Variants in ANKRD11 observed in about 807,000 individuals in gnomAD.
The protein encoded by ANKRD11 is ankyrin repeat domain-containing protein 11.
In ANKRD11, 17 loss-of-function variants were observed where a neutral mutation model predicts 195.7. The ratio of observed to expected loss-of-function variants is 0.09; its 90% CI spans 0.06 to 0.13. The LOEUF (loss-of-function observed/expected upper bound fraction) is 0.13, where lower values mean the gene tolerates loss of function less well. Among genes scored for constraint, ANKRD11 ranks in the 10% least tolerant of loss-of-function variants. The pLI, the probability that ANKRD11 is intolerant of heterozygous loss-of-function variation, is 1.00. For missense variants in ANKRD11, 3,735 were observed against 3,566.1 expected, an observed-to-expected ratio of 1.05 and a Z score of -1.21; for synonymous variants, 1,953 against 1,528.1, an observed-to-expected ratio of 1.28 and a Z score of -6.49.
At position 89,285,957 on chromosome 16, in the gene ANKRD11, G is replaced by A; in HGVS notation, c.892+82C>T. 6.2e-7 allele frequency: 1 copy of A among 1,603,716 alleles called. No homozygotes were observed. The highest frequency in any genetic ancestry group is 8.5e-7 in the Non-Finnish European group (1 of 1,173,498). Reference sequence around the variant, plus strand: ...GCATCCGAGGAGGAGCTGATCAGAGGGGCAACACTGTGCAAACACCACAGG... The same window carrying A: ...GCATCCGAGGAGGAGCTGATCAGAGAGGCAACACTGTGCAAACACCACAGG... On this transcript the variant is annotated intron_variant, in intron 8 of 12. Coordinates refer to ENST00000301030, the MANE Select transcript of ANKRD11 (RefSeq NM_013275.6). The surrounding 1 kb of genome is among the most constrained non-coding windows in gnomAD (Gnocchi z 5.6).
At chr16:89,454,169 C>G (rs561573092) in intron 1 of ANKRD11, among the ~76,000 whole-genome samples, 2 of 152,188 alleles carry the variant, frequency 1.3e-5, no homozygotes, top group African/African-American at 4.8e-5. Context: ...ACGACAGCCG[C>G]GCCACAACCA....
At chr16:89,301,965 G>A (rs534266880) in intron 4 of ANKRD11, among the ~76,000 whole-genome samples, 8 of 152,284 alleles carry the variant, frequency 5.3e-5, no homozygotes, top group South Asian at 2.1e-4. Flanking sequence ...CATCCGGCAC[G>A]GTGGTGACCC....
At chr16:89,440,574 A>G (rs957107403) in intron 1 of ANKRD11, among the ~76,000 whole-genome samples, 1 of 152,178 alleles carries the variant, frequency 6.6e-6, no homozygotes, top group African/African-American at 2.4e-5. Flanking sequence ...TGTGAGTACC[A>G]ATGCACTCCA....
chr16:89,358,827 T>G (rs906953135), intron 2 of ANKRD11, among the ~76,000 whole-genome samples: 9 of 151,910 alleles, frequency 5.9e-5, no homozygotes, highest in African/African-American at 1.9e-4. Flanking sequence ...GTTTTTTGCC[T>G]GTAGGTTTTT....
At chr16:89,330,173 T>C (rs1230809797) in intron 2 of ANKRD11, among the ~76,000 whole-genome samples, 1 of 152,114 alleles carries the variant, frequency 6.6e-6, no homozygotes, top group African/African-American at 2.4e-5. Flanking sequence ...AAGCAATCTC[T>C]ACAACTTCAA....
At chr16:89,489,099 G>C (rs1473577350) in intron 1 of ANKRD11, 1 of 152,066 alleles carries the variant, frequency 6.6e-6, no homozygotes, top group Non-Finnish European at 1.5e-5. Context: ...AGCAAGCCTC[G>C]AGAAAAATCA....
chr16:89,316,138 A>G (rs3114909), intron 3 of ANKRD11, among the ~76,000 whole-genome samples: 2 of 152,134 alleles, frequency 1.3e-5, no homozygotes, highest in Middle Eastern at 3.2e-3. Context: ...GCTGACACAC[A>G]TCCTGCACAG....
At chr16:89,271,026 T>A in intron 11 of ANKRD11, 117 bp from the exon 12 acceptor site, 1 of 901,272 alleles carries the variant, frequency 1.1e-6, no homozygotes, top group Non-Finnish European at 1.8e-6. Flanking sequence ...AGGGGGAGCC[T>A]CATTCCACCG....
At position 89,279,732 on chromosome 16, in the gene ANKRD11, G is replaced by T. The variant is rs1210625952; in HGVS notation, c.6810C>A (p.Ala2270=). 1 of 1,538,924 alleles carries T rather than the reference G, an allele frequency of 6.5e-7. No individual in the cohort carries two copies. Among genetic ancestry groups the T allele is most frequent in the East Asian group, 2.4e-5 (1 of 41,826 alleles). The change falls in exon 9 of 13, where the codon GCC becomes GCA. Residue 2270 remains alanine, a synonymous_variant. Transcript: ENST00000301030. This position sits in a 1 kb window ranked among gnomAD's most constrained non-coding sequence, Gnocchi z 5.6. ...AEGPPAASLC[A]PDGPAPNTVA... Reference sequence around the variant, plus strand: ...CAGTGTTCGGGGCGGGGCCGTCAGGGGCACAGAGGGACGCGGCGGGGGGGC... The same window carrying T: ...CAGTGTTCGGGGCGGGGCCGTCAGGTGCACAGAGGGACGCGGCGGGGGGGC...
intron 1 of ANKRD11, chr16:89,488,928 A>G (rs1040799525): frequency 2.6e-5 from 4 of 152,230 alleles, no homozygotes; most frequent in Non-Finnish European, 5.9e-5. Context: ...ATGAATCCTA[A>G]GCATGTTACA....
chr16:89,349,134 T>TAA (rs59621400), intron 2 of ANKRD11, among the ~76,000 whole-genome samples: 275 of 16,562 alleles, frequency 0.017, 29 homozygotes, highest in South Asian at 0.066. Context: ...TCTCAAAAAG[T>TAA]AAAAAAAAAA....
intron 2 of ANKRD11, among the ~76,000 whole-genome samples, chr16:89,403,100 A>G (rs931594856): frequency 5.9e-5 from 9 of 152,152 alleles, no homozygotes; most frequent in Non-Finnish European, 1.3e-4. Context: ...CTGCACGTGG[A>G]CACATCATCA....
At position 89,279,748 on chromosome 16, in the gene ANKRD11, G is replaced by A. The variant is rs757094468; in HGVS notation, c.6794C>T (p.Ala2265Val). 13 of 1,525,266 alleles carry A rather than the reference G, an allele frequency of 8.5e-6. No homozygotes were observed. The highest frequency in any genetic ancestry group is 1.2e-5 in the South Asian group (1 of 83,478). 94.5% of individuals were successfully genotyped at this position (1,525,266 alleles called of 1,614,324 possible). A position where few individuals can be genotyped will look rare whatever the true frequency, so the allele number is the denominator to read the frequency against. The part of the protein sequence containing the change: ...DQGAEAEGPP[A>V]ASLCAPDGPA... ...GCCGTCAGGGGCACAGAGGGACGCG[G>A]CGGGGGGGCCTTCAGCCTCAGCCCC... Residue 2265 changes from alanine (A) to valine (V), a missense_variant, in exon 9 of 13, where the codon GCC becomes GTC. Coordinates refer to ENST00000301030, the MANE Select transcript of ANKRD11 (RefSeq NM_013275.6). This position sits in a 1 kb window ranked among gnomAD's most constrained non-coding sequence, Gnocchi z 5.6.
intron 9 of ANKRD11, among the ~76,000 whole-genome samples, chr16:89,276,641 C>T (rs1021272665): frequency 7.9e-5 from 12 of 152,242 alleles, no homozygotes; most frequent in African/African-American, 1.9e-4. Flanking sequence ...CGTGGACGCA[C>T]GGCAGGGTCT....
intron 2 of ANKRD11, among the ~76,000 whole-genome samples, chr16:89,328,037 A>G (rs1299941318): frequency 6.6e-6 from 1 of 152,240 alleles, no homozygotes; most frequent in Non-Finnish European, 1.5e-5. Context: ...ACAAACATTA[A>G]TTAGAAAATA....
At chr16:89,400,825 G>A (rs192520955) in intron 2 of ANKRD11, among the ~76,000 whole-genome samples, 1 of 150,820 alleles carries the variant, frequency 6.6e-6, no homozygotes, top group South Asian at 2.1e-4. Flanking sequence ...CCCTGCGCTG[G>A]AGGCTGGTCA....
chr16:89,294,111 C>T (rs2035257809), intron 4 of ANKRD11, among the ~76,000 whole-genome samples: 1 of 152,170 alleles, frequency 6.6e-6, no homozygotes. Flanking sequence ...GTCAGGGCCA[C>T]ATCCCTCCCG....
chr16:89,272,701 C>T lies in ANKRD11; in HGVS notation c.7714-1792G>A, dbSNP rs563744439. 3.3e-5 allele frequency: 5 copies of T among 152,226 alleles called. No individual in the cohort carries two copies. The South Asian group carries it at 6.2e-4, about 19-fold the overall frequency. 9.4% of individuals were successfully genotyped at this position (152,226 alleles called of 1,614,324 possible). A position where few individuals can be genotyped will look rare whatever the true frequency, so the allele number is the denominator to read the frequency against. On this transcript the variant is annotated intron_variant, in intron 11 of 12. Transcript: ENST00000301030. ...AGGAAAAGGAATCAGTATATTGAAACGGTGTCCACACTCCCATATTTAACG... is the reference window on the plus strand; with the variant it reads ...AGGAAAAGGAATCAGTATATTGAAATGGTGTCCACACTCCCATATTTAACG...
chr16:89,471,910 G>T (rs891670216), intron 1 of ANKRD11, among the ~76,000 whole-genome samples: 4 of 151,784 alleles, frequency 2.6e-5, no homozygotes, highest in African/African-American at 7.3e-5. Context: ...CAGTTACCAG[G>T]TCCTGAACAT....
Sources: gnomAD v4.1 joint callset for allele counts (sites outside exome capture counted in the v4.1 genomes callset) on GRCh38, gnomAD v4.1.1 for gene constraint, Gnocchi (gnomAD v3.1) non-coding constraint, MANE v1.5 for transcripts, NCBI Gene and HGNC (gene_info 2026-07-23, HGNC 2026-07-21) for gene names.